CBLB: variants seen among roughly 807,000 people sequenced by gnomAD.
The protein encoded by CBLB is E3 ubiquitin-protein ligase CBL-B.
In CBLB, 31 loss-of-function variants were observed where a neutral mutation model predicts 104.9. The ratio of observed to expected loss-of-function variants is 0.30; its 90% confidence interval spans 0.22 to 0.40. CBLB has a LOEUF of 0.40. Among genes scored for constraint, CBLB ranks in the 10% least tolerant of loss-of-function variants. The probability of loss-of-function intolerance (pLI) is 1.00; values close to 1 mark genes in which losing one functional copy is unlikely to be tolerated. For synonymous variants in CBLB, 440 were observed against 422.6 expected (o/e 1.04, Z -0.51); for missense variants, 1,062 against 1,214.6 (o/e 0.87, Z 1.87).
intron 3 of CBLB, among the ~76,000 whole-genome samples, chr3:105,826,830 T>C (rs2086650883): frequency 6.6e-6 from 1 of 152,210 alleles, no homozygotes; most frequent in African/African-American, 2.4e-5. Context: ...ATTTTCTATG[T>C]TGGTATGAAA....
intron 3 of CBLB, among the ~76,000 whole-genome samples, chr3:105,838,146 G>A (rs985636160): frequency 2.2e-5 from 3 of 138,920 alleles, no homozygotes; most frequent in Non-Finnish European, 3.0e-5. Flanking sequence ...GCAGCGCCAT[G>A]ACCTCAGCTC....
At position 105,852,201 on chromosome 3, in the gene CBLB, C is replaced by T. The variant is rs559188545; in HGVS notation, c.419+1213G>A. The stretch of plus-strand genomic sequence containing the variant: ...AAGGCACTATTATCACAGATGATAG[C>T]TCCATGCATGTTATTGCTCCATGCT... On this transcript the variant is annotated intron_variant, in intron 3 of 18. Transcript: ENST00000394030. Among the ~76,000 whole-genome samples the T allele has an allele frequency of 2.4e-4, 37 of 152,152 alleles. 1 individual carries two copies. The South Asian group carries it at 6.6e-3, about 27-fold the overall frequency.
intron 9 of CBLB, among the ~76,000 whole-genome samples, chr3:105,723,704 CATGT>C (rs1439235511): frequency 6.6e-6 from 1 of 152,106 alleles, no homozygotes; most frequent in Non-Finnish European, 1.5e-5. Context: ...TCATCATCAT[CATGT>C]ATCAATCACC....
chr3:105,867,332 T>G, intron 2 of CBLB, 78 bp downstream of exon 2: 1 of 1,244,058 alleles, frequency 8.0e-7, no homozygotes, highest in South Asian at 1.2e-5. Flanking sequence ...TGGTATTAAT[T>G]AACAGTATAA....
intron 3 of CBLB, among the ~76,000 whole-genome samples, chr3:105,849,511 T>C (rs542195691): frequency 1.3e-5 from 2 of 152,254 alleles, no homozygotes; most frequent in South Asian, 2.1e-4. Flanking sequence ...TCAAAATCTA[T>C]GGGAATCTAT....
chr3:105,779,071 A>G (rs971569506), intron 3 of CBLB, among the ~76,000 whole-genome samples: 1 of 152,232 alleles, frequency 6.6e-6, no homozygotes, highest in African/African-American at 2.4e-5. Flanking sequence ...AATGGCTATA[A>G]TTAGGGTAAA....
chr3:105,717,281 A>G (rs989668199), intron 10 of CBLB, among the ~76,000 whole-genome samples: 2 of 151,956 alleles, frequency 1.3e-5, no homozygotes. Flanking sequence ...CTTCACAGCT[A>G]AAAAAAACAC....
At chr3:105,681,305 C>T (rs2066286160) in intron 16 of CBLB, 174 bp downstream of exon 16, 1 of 637,076 alleles carries the variant, frequency 1.6e-6, no homozygotes, top group Non-Finnish European at 2.8e-6. Context: ...TAATCATCTA[C>T]ATGGAGTAAT....
At chr3:105,668,334 G>C (rs1443694199) in intron 18 of CBLB, among the ~76,000 whole-genome samples, 3 of 152,020 alleles carry the variant, frequency 2.0e-5, no homozygotes, top group Non-Finnish European at 2.9e-5. Context: ...TGTTCCTCTG[G>C]GCTCTACAAC....
chr3:105,768,822 G>T (rs920764819), intron 4 of CBLB, among the ~76,000 whole-genome samples: 3 of 152,108 alleles, frequency 2.0e-5, no homozygotes, highest in Non-Finnish European at 4.4e-5. Flanking sequence ...CAGAAAAGTG[G>T]ACTTATGAAC....
chr3:105,741,251 C>A lies in CBLB; in HGVS notation c.846-620G>T, dbSNP rs142974558. ...TCACCCAGGCTGTAGTGCAGTGGCG[C>A]CATCTCGGCTCACTGCAACCTCCGC... is the stretch of plus-strand genomic sequence containing the variant. On this transcript the variant is annotated intron_variant, in intron 6 of 18. Coordinates refer to ENST00000394030, the MANE Select transcript of CBLB (RefSeq NM_170662.5). Among the ~76,000 whole-genome samples, 725 of 152,228 alleles carry A rather than the reference C, an allele frequency of 4.8e-3. 31 individuals are homozygous for A. In the East Asian group the frequency reaches 0.099, roughly 21 times the overall value.
At chr3:105,827,633 T>C (rs1205889941) in intron 3 of CBLB, among the ~76,000 whole-genome samples, 5 of 151,830 alleles carry the variant, frequency 3.3e-5, no homozygotes, top group African/African-American at 9.7e-5. Context: ...GGGAAAGACA[T>C]GAGGGAGGAA....
At chr3:105,767,424 A>ATT (rs1025521280) in intron 4 of CBLB, among the ~76,000 whole-genome samples, 5 of 152,134 alleles carry the variant, frequency 3.3e-5, no homozygotes, top group African/African-American at 1.2e-4. Context: ...TTTTGCAGGA[A>ATT]ATCAATCATA....
At chr3:105,784,097 A>G (rs1364928873) in intron 3 of CBLB, among the ~76,000 whole-genome samples, 1 of 152,218 alleles carries the variant, frequency 6.6e-6, no homozygotes, top group African/African-American at 2.4e-5. Context: ...TCATACTTTC[A>G]TTTGGTTTAA....
chr3:105,856,206 T>A (rs1051941671), intron 2 of CBLB, among the ~76,000 whole-genome samples: 2 of 151,706 alleles, frequency 1.3e-5, no homozygotes, highest in Admixed American at 6.6e-5. Flanking sequence ...AAAAAGTAGC[T>A]GGGTGTGGTG....
chr3:105,868,478 G>A, intron 1 of CBLB: 1 of 349,178 alleles, frequency 2.9e-6, no homozygotes, highest in Non-Finnish European at 5.1e-6. Flanking sequence ...GAGGGACACT[G>A]TGGGCTCGGC....
At position 105,821,939 on chromosome 3, in the gene CBLB, T is replaced by C. The variant is rs1156924358; in HGVS notation, c.419+31475A>G. Among the ~76,000 whole-genome samples, 4 of 152,150 alleles carry C rather than the reference T, an allele frequency of 2.6e-5. No homozygotes were observed. In the East Asian group the frequency reaches 7.7e-4, roughly 29 times the overall value. On this transcript the variant is annotated intron_variant, in intron 3 of 18. Coordinates refer to ENST00000394030, the MANE Select transcript of CBLB (RefSeq NM_170662.5). ...GTGTGTATCTCTGCTTGCCTCAATG[T>C]TATGATACTAAACACATCTTTCTGC...
In CBLB at chr3:105,670,598, CAG is replaced by C. The variant is rs562279704; in HGVS notation, c.2570-248_2570-247del. On this transcript the variant is annotated intron_variant, in intron 17 of 18. Transcript: ENST00000394030. Reference sequence around the variant, plus strand: ...CTACTTGTTTTATATTTATATTTTGCAGATATATTTAATTATAAGATTGTTGA... The same window carrying C: ...CTACTTGTTTTATATTTATATTTTGCATATATTTAATTATAAGATTGTTGA... The C allele has an allele frequency of 9.7e-4, 433 of 445,736 alleles. 2 individuals are homozygous for C. The highest frequency in any genetic ancestry group is 8.1e-3 in the African/African-American group (406 of 50,180). 27.6% of individuals were successfully genotyped at this position (445,736 alleles called of 1,614,324 possible). A position where few individuals can be genotyped will look rare whatever the true frequency, so the allele number is the denominator to read the frequency against.
chr3:105,830,996 T>C (rs2087421617), intron 3 of CBLB, among the ~76,000 whole-genome samples: 1 of 152,182 alleles, frequency 6.6e-6, no homozygotes, highest in African/African-American at 2.4e-5. Flanking sequence ...ACATGAAATA[T>C]CCAAAATGCA....
Sources: allele counts gnomAD v4.1 joint callset (sites outside exome capture counted in the v4.1 genomes callset), GRCh38; gene constraint gnomAD v4.1.1; transcripts MANE v1.5; gene names NCBI Gene and HGNC (gene_info 2026-07-23, HGNC 2026-07-21).